Variants in PDHB observed in about 807,000 individuals in gnomAD.
PDHB encodes the protein pyruvate dehydrogenase E1 component subunit beta, mitochondrial.
A neutral mutation model predicts 42.8 loss-of-function variants in PDHB; 17 were observed. That is an observed-to-expected ratio of 0.40 (90% CI 0.27 to 0.60). The LOEUF is 0.60. Ranked by LOEUF, PDHB falls within the 20% of genes least tolerant of loss-of-function variation. The probability of loss-of-function intolerance (pLI) is 0.46; values close to 1 mark genes in which losing one functional copy is unlikely to be tolerated. For synonymous variants in PDHB, 154 were observed against 148.7 expected (o/e 1.04, Z -0.26); for missense variants, 322 against 451.3 (o/e 0.71, Z 2.60).
In PDHB at chr3:58,430,751, C is replaced by G. The variant is rs1553848441; in HGVS notation, c.495G>C (p.Trp165Cys). 3 of 1,614,110 alleles carry G rather than the reference C, an allele frequency of 1.9e-6. No homozygotes were observed. Among genetic ancestry groups the G allele is most frequent in the Non-Finnish European group, 2.5e-6 (3 of 1,179,922 alleles). ...CCTTTAAGCCTGGGCAGTGCCCATA[C>G]CAGGCAGCAAAGCACTGTGAGTGCT... Reference protein sequence around the residue: ...AAQHSQCFAAWYGHCPGLKVV... With the variant: ...AAQHSQCFAACYGHCPGLKVV... Residue 165 changes from tryptophan to cysteine, a missense_variant, in exon 6 of 10, where the codon TGG (tryptophan) becomes TGC (cysteine). By Grantham distance (215) the Trp-to-Cys change is radical. Transcript: ENST00000302746.
chr3:58,430,518 C>T, intron 6 of PDHB, 139 bp downstream of exon 6: 1 of 784,782 alleles, frequency 1.3e-6, no homozygotes, highest in Non-Finnish European at 2.1e-6. Context: ...ACATTCTTTA[C>T]TATCTTTACT....
At position 58,427,793 on chromosome 3, in the gene PDHB, TATA is replaced by T. The variant is rs2062881775; in HGVS notation, c.*238_*240del. 1.7e-6 allele frequency: 1 copy of T among 572,966 alleles called. No individual in the cohort carries two copies. The highest frequency in any genetic ancestry group is 3.3e-6 in the Non-Finnish European group (1 of 305,806). 35.5% of individuals were successfully genotyped at this position (572,966 alleles called of 1,614,324 possible). A position where few individuals can be genotyped will look rare whatever the true frequency, so the allele number is the denominator to read the frequency against. Reference sequence around the variant, plus strand: ...TGTGGTGAGAGAGGATAAAATGTTATATAATTTGTTATTCAAAGAACATGGCAA... The same window carrying T: ...TGTGGTGAGAGAGGATAAAATGTTATATTTGTTATTCAAAGAACATGGCAA... On this transcript the variant is annotated 3_prime_UTR_variant, in exon 10 of 10. Coordinates refer to ENST00000302746, the MANE Select transcript of PDHB (RefSeq NM_000925.4).
At chr3:58,428,442 C>T in intron 9 of PDHB, 31 bp downstream of exon 9, 1 of 1,610,510 alleles carries the variant, frequency 6.2e-7, no homozygotes, top group South Asian at 1.1e-5. Context: ...TATAGCTTGA[C>T]TGTATTCTAG....
At position 58,431,323 on chromosome 3, in the gene PDHB, C is replaced by T. The variant is rs1048343710; in HGVS notation, c.303+270G>A. The T allele has an allele frequency of 3.5e-5, 17 of 479,284 alleles. No homozygotes were observed. The highest frequency in any genetic ancestry group is 1.2e-4 in the African/African-American group (6 of 51,222). The allele number at this position is 479,284 out of a possible 1,614,324, so 29.7% of individuals were successfully genotyped here. ...CAGCACTTTGGGAGGCCAAGGCGGT[C>T]GGATCACTTGAGGCCAGGAGTTCAA... On this transcript the variant is annotated intron_variant, in intron 5 of 9. Coordinates refer to ENST00000302746, the MANE Select transcript of PDHB (RefSeq NM_000925.4). The surrounding 1 kb of genome is among the most constrained non-coding windows in gnomAD (Gnocchi z 4.4).
chr3:58,429,303 C>T (rs1381942216), intron 8 of PDHB, among the ~76,000 whole-genome samples: 1 of 152,126 alleles, frequency 6.6e-6, no homozygotes, highest in Non-Finnish European at 1.5e-5. Flanking sequence ...ATAACTAGCA[C>T]ATGGTGAGTT....
Position 58,432,162 on chromosome 3 carries a change from T to C in PDHB, c.97-178A>G. 9.3e-6 allele frequency: 6 copies of C among 641,770 alleles called. No homozygotes were observed. In the South Asian group the frequency reaches 1.1e-4, roughly 12 times the overall value. 39.8% of individuals were successfully genotyped at this position (641,770 alleles called of 1,614,324 possible). On this transcript the variant is annotated intron_variant, in intron 2 of 9. Coordinates refer to ENST00000302746, the MANE Select transcript of PDHB (RefSeq NM_000925.4). ...CATTTCTATTACACATAGTTGGTCT[T>C]TGCATGTGTTAATGTACTGAGTGCT...
intron 8 of PDHB, chr3:58,428,838 T>C (rs899558133): frequency 5.4e-6 from 3 of 554,854 alleles, no homozygotes; most frequent in Non-Finnish European, 6.4e-6. Context: ...AGTTATAGGA[T>C]TCATTTATCT....
chr3:58,427,884 AAC>A lies in PDHB; in HGVS notation c.*148_*149del, dbSNP rs1327609065. The A allele has an allele frequency of 1.4e-6, 1 of 701,766 alleles. No individual in the cohort carries two copies. The highest frequency in any genetic ancestry group is 2.6e-6 in the Non-Finnish European group (1 of 390,156). 43.5% of individuals were successfully genotyped at this position (701,766 alleles called of 1,614,324 possible). On this transcript the variant is annotated 3_prime_UTR_variant, in exon 10 of 10. Transcript: ENST00000302746. ...GAGAGTGGAGAGTTTTCCATACACAAACACATTTAAACTTCCCTGTACAAAAA... is the reference window on the plus strand; with the variant it reads ...GAGAGTGGAGAGTTTTCCATACACAAACATTTAAACTTCCCTGTACAAAAA...
chr3:58,428,374 G>T (rs1268460522), intron 9 of PDHB, 99 bp downstream of exon 9: 3 of 1,383,382 alleles, frequency 2.2e-6, no homozygotes, highest in Admixed American at 3.4e-5. Context: ...GAAGTCGTTT[G>T]GCCACTCCTA....
At position 58,431,993 on chromosome 3, in the gene PDHB, G is replaced by A. The variant is rs1419775940; in HGVS notation, c.97-9C>T. ...GCATCACGAACTGTCACCTGTCACAGGTATGCAAAAACAGTCAATACAGAA... is the reference window on the plus strand; with the variant it reads ...GCATCACGAACTGTCACCTGTCACAAGTATGCAAAAACAGTCAATACAGAA... On this transcript the variant is annotated splice_polypyrimidine_tract_variant and intron_variant, in intron 2 of 9. Coordinates refer to ENST00000302746, the MANE Select transcript of PDHB (RefSeq NM_000925.4). The surrounding 1 kb of genome is among the most constrained non-coding windows in gnomAD (Gnocchi z 4.4). 1 of 1,588,450 alleles carries A rather than the reference G, an allele frequency of 6.3e-7. No individual in the cohort carries two copies. The highest frequency in any genetic ancestry group is 8.6e-7 in the Non-Finnish European group (1 of 1,156,732).
chr3:58,429,996 G>A (rs934871301), intron 7 of PDHB, 132 bp downstream of exon 7: 2 of 739,228 alleles, frequency 2.7e-6, no homozygotes, highest in East Asian at 2.7e-5. Flanking sequence ...ACAACTGAAT[G>A]AGAAATTGGG....
In PDHB at chr3:58,430,881, T is replaced by A. The variant is rs2062913887; in HGVS notation, c.365A>T (p.Gln122Leu). 1.2e-6 allele frequency: 2 copies of A among 1,614,170 alleles called. No individual in the cohort carries two copies. Among genetic ancestry groups the A allele is most frequent in the Non-Finnish European group, 1.7e-6 (2 of 1,180,030 alleles). ...GGTCTTGGCAGCTGAGTTTATAACC[T>A]GGTCAATGGCTTGCATGGAGAAATT... ...TFNFSMQAID[Q>L]VINSAAKTYY... Residue 122 changes from glutamine (Q) to leucine (L), a missense_variant, in exon 6 of 10, where the codon CAG (glutamine) becomes CTG (leucine). Around this residue, in one of 3 missense-constraint regions of PDHB, gnomAD observed 56 missense variants for 124.2 expected, o/e 0.45. Coordinates refer to ENST00000302746, the MANE Select transcript of PDHB (RefSeq NM_000925.4).
intron 2 of PDHB, 193 bp downstream of exon 2, chr3:58,433,437 TG>T: frequency 1.6e-6 from 1 of 631,302 alleles, no homozygotes; most frequent in Non-Finnish European, 2.8e-6. Flanking sequence ...CAGCCAGCTG[TG>T]AGGTGGTGAC....
In PDHB at chr3:58,430,672, G is replaced by A. The variant is rs865920135; in HGVS notation, c.574C>T (p.Arg192Trp). ...CTGTGCTGACCTGGATTGTTATCCCGAATGGCTGATTTAATAAGTCCTTTA... is the reference window on the plus strand; with the variant it reads ...CTGTGCTGACCTGGATTGTTATCCCAAATGGCTGATTTAATAAGTCCTTTA... The part of the protein sequence containing the change: ...DAKGLIKSAI[R>W]DNNPVVVLEN... The change falls in exon 6 of 10, where the codon CGG (arginine) becomes TGG (tryptophan). Residue 192 changes from arginine (R) to tryptophan (W), a missense_variant. Physicochemically the swap from Arg to Trp is moderately radical, Grantham distance 101. Around this residue, in one of 3 missense-constraint regions of PDHB, gnomAD observed 208 missense variants for 285.0 expected, o/e 0.73. Transcript: ENST00000302746. The A allele has an allele frequency of 7.4e-6, 12 of 1,613,402 alleles. No individual in the cohort carries two copies. The highest frequency in any genetic ancestry group is 1.1e-5 in the South Asian group (1 of 91,048).
chr3:58,430,086 G>T, intron 7 of PDHB, 42 bp downstream of exon 7: 1 of 1,190,652 alleles, frequency 8.4e-7, no homozygotes, highest in Non-Finnish European at 1.3e-6. Context: ...AAAATTGAGG[G>T]GCTGGATTAA....
Position 58,428,090 on chromosome 3 carries a change from A to T in PDHB, c.1024T>A (p.Ser342Thr). ...MPYAKILEDN[S>T]IPQVKDIIFA... The stretch of plus-strand genomic sequence containing the variant: ...ATGATGTCTTTGACCTGAGGTATAG[A>T]GTTGTCCTCTAGAATCTTTGCATAA... The change falls in exon 10 of 10, where the codon TCT becomes ACT. Residue 342 changes from serine to threonine, a missense_variant. Physicochemically the swap from Ser to Thr is moderately conservative, Grantham distance 58 (BLOSUM62 1). Transcript: ENST00000302746. 1 of 1,610,126 alleles carries T rather than the reference A, an allele frequency of 6.2e-7. No homozygotes were observed. Among genetic ancestry groups the T allele is most frequent in the Non-Finnish European group, 8.5e-7 (1 of 1,176,294 alleles).
At chr3:58,429,476 A>C (rs546960117) in intron 8 of PDHB, among the ~76,000 whole-genome samples, 1 of 151,744 alleles carries the variant, frequency 6.6e-6, no homozygotes, top group Admixed American at 6.6e-5. Flanking sequence ...GAACCAGAAG[A>C]GGTTCAGAGA....
chr3:58,429,884 A>G (rs1380186620), intron 7 of PDHB, 85 bp from the exon 8 acceptor site: 3 of 855,756 alleles, frequency 3.5e-6, no homozygotes. Flanking sequence ...GCTCTTGTTC[A>G]TTCATAAAGT....
intron 8 of PDHB, among the ~76,000 whole-genome samples, chr3:58,429,223 G>A (rs1468753850): frequency 2.0e-5 from 3 of 152,150 alleles, no homozygotes; most frequent in African/African-American, 2.4e-5. Flanking sequence ...GCCCTATGAC[G>A]GGACAGTATT....
Sources: allele counts gnomAD v4.1 joint callset (sites outside exome capture counted in the v4.1 genomes callset), GRCh38; gene constraint gnomAD v4.1.1; regional missense constraint gnomAD v4.1.1; non-coding constraint Gnocchi (gnomAD v3.1); transcripts MANE v1.5; gene names NCBI Gene and HGNC (gene_info 2026-07-23, HGNC 2026-07-21).